The following BCHE variants were observed in gnomAD, a reference collection of about 807,000 sequenced individuals.
The protein encoded by BCHE is butyrylcholinesterase, also known as cholinesterase.
Under a neutral mutation model 51.3 loss-of-function variants are expected in BCHE, and 48 were observed. That is an observed-to-expected ratio of 0.94 (90% CI 0.74 to 1.19). The LOEUF is 1.19. BCHE is among the 50% of genes most tolerant of loss of function. The pLI, the probability that BCHE is intolerant of heterozygous loss-of-function variation, is 0.00. For missense variants in BCHE, 847 were observed against 708.2 expected (o/e 1.20, Z -2.23); for synonymous variants, 251 against 238.0 (o/e 1.05, Z -0.50).
intron 1 of BCHE, among the ~76,000 whole-genome samples, chr3:165,832,245 AC>A (rs1170175483): frequency 6.6e-6 from 1 of 152,170 alleles, no homozygotes; most frequent in African/African-American, 2.4e-5. Flanking sequence ...AGATTTGGAA[AC>A]TCTGTGACAA....
intron 2 of BCHE, among the ~76,000 whole-genome samples, chr3:165,788,383 G>C (rs993127883): frequency 1.1e-4 from 16 of 152,024 alleles, no homozygotes; most frequent in Admixed American, 3.9e-4. Context: ...TTAATAATCA[G>C]AGCTATTCAA....
chr3:165,835,076 T>C (rs1715143475), intron 1 of BCHE, among the ~76,000 whole-genome samples: 1 of 151,860 alleles, frequency 6.6e-6, no homozygotes, highest in South Asian at 2.1e-4. Flanking sequence ...AATTGAGTTT[T>C]TGAGGAATTT....
intron 3 of BCHE, among the ~76,000 whole-genome samples, chr3:165,776,451 T>A (rs1431878081): frequency 6.6e-6 from 1 of 151,860 alleles, no homozygotes; most frequent in East Asian, 1.9e-4. Context: ...ATGTTGATTG[T>A]CATTCTCTAA....
chr3:165,810,334 A>T lies in BCHE; in HGVS notation c.1517+19183T>A, dbSNP rs1044370264. 5.3e-5 allele frequency among the ~76,000 whole-genome samples: 8 copies of T among 152,154 alleles called. No individual in the cohort carries two copies. In the South Asian group the frequency reaches 1.2e-3, roughly 24 times the overall value. ...TTTCCATATTATCCCTCCTAGGAAGATTATGCCCACTCAAAATATCTCAAT... is the reference window on the plus strand; with the variant it reads ...TTTCCATATTATCCCTCCTAGGAAGTTTATGCCCACTCAAAATATCTCAAT... On this transcript the variant is annotated intron_variant, in intron 2 of 3. Transcript: ENST00000264381.
intron 2 of BCHE, among the ~76,000 whole-genome samples, chr3:165,823,176 A>G (rs1294863459): frequency 1.3e-5 from 2 of 152,136 alleles, no homozygotes; most frequent in Non-Finnish European, 2.9e-5. Flanking sequence ...CACTGAAACC[A>G]AAGACATCAA....
At chr3:165,814,486 C>T (rs192253810) in intron 2 of BCHE, among the ~76,000 whole-genome samples, 191 of 152,220 alleles carry the variant, frequency 1.3e-3, no homozygotes, top group Non-Finnish European at 2.4e-3. Context: ...TTAATCCTTA[C>T]TTTCCTCAGC....
In BCHE at chr3:165,773,365, A is replaced by G; in HGVS notation, c.*17T>C. 6.2e-7 allele frequency: 1 copy of G among 1,606,522 alleles called. No individual in the cohort carries two copies. The highest frequency in any genetic ancestry group is 8.5e-7 in the Non-Finnish European group (1 of 1,174,466). On this transcript the variant is annotated 3_prime_UTR_variant, in exon 4 of 4. Coordinates refer to ENST00000264381, the MANE Select transcript of BCHE (RefSeq NM_000055.4). ...GATCTAAAGGAAAATATGTTCTATA[A>G]AGGGTAAATCTATTAATTAGAGACC...
intron 2 of BCHE, among the ~76,000 whole-genome samples, chr3:165,810,737 T>C (rs1180334653): frequency 6.6e-5 from 10 of 152,164 alleles, no homozygotes; most frequent in Non-Finnish European, 1.5e-5. Flanking sequence ...AACATTGGCT[T>C]CCTTAGCAGT....
intron 2 of BCHE, among the ~76,000 whole-genome samples, chr3:165,823,891 GAGGCTAC>G (rs1270944532): frequency 1.3e-5 from 2 of 150,666 alleles, no homozygotes; most frequent in African/African-American, 4.9e-5. Flanking sequence ...CCATGTAGCT[GAGGCTAC>G]AGGTGTGTGG....
At chr3:165,810,246 CT>C (rs1231473129) in intron 2 of BCHE, among the ~76,000 whole-genome samples, 1 of 152,086 alleles carries the variant, frequency 6.6e-6, no homozygotes, top group Non-Finnish European at 1.5e-5. Context: ...TAAGGATATT[CT>C]TCTGTTCAAG....
At chr3:165,803,797 A>G (rs978708587) in intron 2 of BCHE, among the ~76,000 whole-genome samples, 5 of 152,270 alleles carry the variant, frequency 3.3e-5, no homozygotes, top group Non-Finnish European at 5.9e-5. Flanking sequence ...AAGAATATAT[A>G]AAGTTTGAAA....
chr3:165,800,324 A>G (rs950639689), intron 2 of BCHE, among the ~76,000 whole-genome samples: 2 of 152,108 alleles, frequency 1.3e-5, no homozygotes, highest in Non-Finnish European at 2.9e-5. Flanking sequence ...GGTCATTCCA[A>G]TCCCTGACAA....
At chr3:165,824,192 A>C (rs1453980372) in intron 2 of BCHE, among the ~76,000 whole-genome samples, 1 of 151,244 alleles carries the variant, frequency 6.6e-6, no homozygotes, top group African/African-American at 2.4e-5. Context: ...ATTAGAAAAC[A>C]ATATAAAAAT....
intron 2 of BCHE, among the ~76,000 whole-genome samples, chr3:165,820,468 T>G (rs1714473043): frequency 6.6e-6 from 1 of 152,028 alleles, no homozygotes; most frequent in African/African-American, 2.4e-5. Context: ...TAAATTAATT[T>G]CTAAGGAGAA....
chr3:165,812,722 T>G (rs931348633), intron 2 of BCHE, among the ~76,000 whole-genome samples: 3 of 152,008 alleles, frequency 2.0e-5, no homozygotes, highest in Non-Finnish European at 4.4e-5. Context: ...ATGTGGTAGT[T>G]TCTCATAATG....
At chr3:165,818,961 T>G (rs1473718862) in intron 2 of BCHE, among the ~76,000 whole-genome samples, 1 of 152,118 alleles carries the variant, frequency 6.6e-6, no homozygotes, top group Admixed American at 6.6e-5. Context: ...CATGCTCTTT[T>G]GATGCATCAT....
chr3:165,837,328 C>A lies in BCHE; in HGVS notation c.-23G>T, dbSNP rs1715222674. The A allele has an allele frequency of 2.3e-6, 3 of 1,289,638 alleles. No individual in the cohort carries two copies. The African/African-American group carries it at 4.5e-5, about 20-fold the overall frequency. The allele number at this position is 1,289,638 out of a possible 1,614,324, so 79.9% of individuals were successfully genotyped here. ...GAGCAACTTACCCGATTCTCTGCAA[C>A]AAAGATGGCAAAGTTTGCAAGGAGT... On this transcript the variant is annotated 5_prime_UTR_variant, in exon 1 of 4. Coordinates refer to ENST00000264381, the MANE Select transcript of BCHE (RefSeq NM_000055.4).
intron 2 of BCHE, among the ~76,000 whole-genome samples, chr3:165,793,538 ATAAG>A (rs748287685): frequency 6.6e-6 from 1 of 152,230 alleles, no homozygotes; most frequent in Non-Finnish European, 1.5e-5. Context: ...TATGAGTAAA[ATAAG>A]TAAGAAACAT....
chr3:165,773,122 T>C lies in BCHE; in HGVS notation c.*260A>G, dbSNP rs1712319130. The C allele has an allele frequency of 1.4e-5, 4 of 295,492 alleles. No homozygotes were observed. In the East Asian group the frequency reaches 2.7e-4, roughly 20 times the overall value. The allele number at this position is 295,492 out of a possible 1,614,324, so 18.3% of individuals were successfully genotyped here. On this transcript the variant is annotated 3_prime_UTR_variant, in exon 4 of 4. Coordinates refer to ENST00000264381, the MANE Select transcript of BCHE (RefSeq NM_000055.4). ...AAATTTATTAAGGAAAGAAAGAAATTGAACCAGGCCATTGTTTTAATATGC... is the reference window on the plus strand; with the variant it reads ...AAATTTATTAAGGAAAGAAAGAAATCGAACCAGGCCATTGTTTTAATATGC...
Sources: gnomAD v4.1 joint callset for allele counts (sites outside exome capture counted in the v4.1 genomes callset) on GRCh38, gnomAD v4.1.1 for gene constraint, MANE v1.5 for transcripts, NCBI Gene and HGNC (gene_info 2026-07-23, HGNC 2026-07-21) for gene names.